The following COLEC12 variants were observed in gnomAD, a reference collection of about 807,000 sequenced individuals.
COLEC12 encodes the protein collectin-12.
In COLEC12, 33 loss-of-function variants were observed where a neutral mutation model predicts 71.1. That is an observed-to-expected ratio of 0.46 (90% CI 0.35 to 0.62). The LOEUF (loss-of-function observed/expected upper bound fraction) is 0.62, where lower values mean the gene tolerates loss of function less well. Among genes scored for constraint, COLEC12 ranks in the 20% least tolerant of loss-of-function variants. The pLI is 0.00. For synonymous variants in COLEC12, 350 were observed against 353.0 expected, an observed-to-expected ratio of 0.99 and a Z score of 0.10; for missense variants, 765 against 916.1, an observed-to-expected ratio of 0.84 and a Z score of 2.13.
intron 1 of COLEC12, among the ~76,000 whole-genome samples, chr18:483,395 G>C (rs922192455): frequency 2.0e-4 from 27 of 134,986 alleles, no homozygotes; most frequent in Admixed American, 1.1e-3. Context: ...GTGGGACTCC[G>C]TCTCAAAAAA....
chr18:485,477 A>AT (rs1917502553), intron 1 of COLEC12, among the ~76,000 whole-genome samples: 1 of 152,220 alleles, frequency 6.6e-6, no homozygotes, highest in Non-Finnish European at 1.5e-5. Context: ...TCTTAAGCTC[A>AT]TATTTTCTTG....
chr18:353,354 G>A (rs762621960), intron 3 of COLEC12, among the ~76,000 whole-genome samples: 4 of 152,178 alleles, frequency 2.6e-5, no homozygotes, highest in Non-Finnish European at 5.9e-5. Flanking sequence ...AGAGATTGAG[G>A]CTCACAGATG....
At chr18:390,233 G>GCCAT (rs1479183597) in intron 2 of COLEC12, among the ~76,000 whole-genome samples, 3 of 152,150 alleles carry the variant, frequency 2.0e-5, no homozygotes, top group Non-Finnish European at 4.4e-5. Context: ...GGGAAGGGAG[G>GCCAT]CCATCGTGCT....
chr18:376,963 G>GT (rs1025305852), intron 2 of COLEC12, among the ~76,000 whole-genome samples: 1 of 152,188 alleles, frequency 6.6e-6, no homozygotes, highest in Non-Finnish European at 1.5e-5. Flanking sequence ...TGCCTGAAGC[G>GT]TTTTTTATAA....
intron 2 of COLEC12, among the ~76,000 whole-genome samples, chr18:415,401 C>A (rs1940436): frequency 8.6e-5 from 13 of 152,010 alleles, no homozygotes; most frequent in Middle Eastern, 3.4e-3. Context: ...GCGCCTAAAT[C>A]GTTACAAAGC....
At chr18:326,347 TTTTG>T (rs1368817871) in intron 8 of COLEC12, among the ~76,000 whole-genome samples, 27 of 152,196 alleles carry the variant, frequency 1.8e-4, no homozygotes, top group South Asian at 6.2e-4. Flanking sequence ...TCTAGTTCCT[TTTTG>T]TTTTTGTTTT....
At position 327,020 on chromosome 18, in the gene COLEC12, C is replaced by T. The variant is rs998372972; in HGVS notation, c.2063+4648G>A. ...CCCCCACACTCCAGAAAAGATCCTGCAGGCCAGCACAGAGGCTGGCTCATG... is the reference window on the plus strand; with the variant it reads ...CCCCCACACTCCAGAAAAGATCCTGTAGGCCAGCACAGAGGCTGGCTCATG... On this transcript the variant is annotated intron_variant, in intron 8 of 9. Coordinates refer to ENST00000400256, the MANE Select transcript of COLEC12 (RefSeq NM_130386.3). The surrounding 1 kb of genome is among the most constrained non-coding windows in gnomAD (Gnocchi z 4.0). Among the ~76,000 whole-genome samples the T allele has an allele frequency of 6.6e-6, 1 of 152,200 alleles. No individual in the cohort carries two copies. Among genetic ancestry groups the T allele is most frequent in the African/African-American group, 2.4e-5 (1 of 41,450 alleles).
intron 2 of COLEC12, among the ~76,000 whole-genome samples, chr18:371,026 A>C (rs916326298): frequency 6.6e-6 from 1 of 152,194 alleles, no homozygotes; most frequent in African/African-American, 2.4e-5. Context: ...CACAGCCCTC[A>C]CTACTATGCA....
intron 8 of COLEC12, among the ~76,000 whole-genome samples, chr18:330,902 T>A (rs1185383575): frequency 2.8e-5 from 4 of 143,190 alleles, no homozygotes; most frequent in African/African-American, 1.0e-4. Context: ...TTTTTTGAGA[T>A]AGAGTCTTGC....
At chr18:434,833 CT>C (rs1485494848) in intron 2 of COLEC12, among the ~76,000 whole-genome samples, 1 of 152,200 alleles carries the variant, frequency 6.6e-6, no homozygotes, top group Non-Finnish European at 1.5e-5. Context: ...ATGCACCCCT[CT>C]GATTTTAGCC....
At chr18:498,507 C>T (rs1917757057) in intron 1 of COLEC12, among the ~76,000 whole-genome samples, 1 of 151,844 alleles carries the variant, frequency 6.6e-6, no homozygotes, top group South Asian at 2.1e-4. Flanking sequence ...TTACAGGTGC[C>T]TGCCACCACG....
intron 2 of COLEC12, among the ~76,000 whole-genome samples, chr18:379,550 G>A (rs1915186927): frequency 1.3e-5 from 2 of 152,090 alleles, no homozygotes; most frequent in Non-Finnish European, 2.9e-5. Context: ...AGAAGTAAAA[G>A]GAACAAAGAG....
In COLEC12 at chr18:479,073, C is replaced by T. The variant is rs530968888; in HGVS notation, c.58+1634G>A. On this transcript the variant is annotated intron_variant, in intron 2 of 9. Transcript: ENST00000400256. ...TGATTGCCAAAACATGTAGGCATCT[C>T]CACATTTATTTTGCCTTATTTTGAC... is the stretch of plus-strand genomic sequence containing the variant. Among the ~76,000 whole-genome samples the T allele has an allele frequency of 2.0e-5, 3 of 152,294 alleles. No homozygotes were observed. In the South Asian group the frequency reaches 6.2e-4, roughly 32 times the overall value.
intron 2 of COLEC12, among the ~76,000 whole-genome samples, chr18:403,187 G>A (rs928905593): frequency 3.3e-5 from 5 of 152,114 alleles, no homozygotes; most frequent in African/African-American, 7.2e-5. Flanking sequence ...CATATTTCAG[G>A]ACCTACATGA....
chr18:400,138 G>A (rs1019436590), intron 2 of COLEC12, among the ~76,000 whole-genome samples: 2 of 152,116 alleles, frequency 1.3e-5, no homozygotes, highest in African/African-American at 2.4e-5. Flanking sequence ...GACAGCGGCC[G>A]GGGGGATCTA....
intron 2 of COLEC12, among the ~76,000 whole-genome samples, chr18:477,614 A>T (rs1416968721): frequency 6.6e-6 from 1 of 152,214 alleles, no homozygotes; most frequent in Non-Finnish European, 1.5e-5. Flanking sequence ...ACATTGAGAG[A>T]GTGCTAACAG....
At chr18:369,344 A>G (rs1356770120) in intron 2 of COLEC12, among the ~76,000 whole-genome samples, 1 of 151,576 alleles carries the variant, frequency 6.6e-6, no homozygotes, top group Non-Finnish European at 1.5e-5. Flanking sequence ...AAGCTTGGAC[A>G]TGAAGCATCG....
intron 1 of COLEC12, among the ~76,000 whole-genome samples, chr18:494,579 GA>G (rs1253502359): frequency 6.6e-6 from 1 of 152,180 alleles, no homozygotes; most frequent in African/African-American, 2.4e-5. Context: ...CCAGCACACA[GA>G]AATGATTGGA....
At chr18:496,247 C>T (rs1187644503) in intron 1 of COLEC12, among the ~76,000 whole-genome samples, 1 of 151,864 alleles carries the variant, frequency 6.6e-6, no homozygotes, top group Non-Finnish European at 1.5e-5. Flanking sequence ...TTCTATTCAC[C>T]CCATTATCAG....
Sources: allele counts gnomAD v4.1 joint callset (sites outside exome capture counted in the v4.1 genomes callset), GRCh38; gene constraint gnomAD v4.1.1; non-coding constraint Gnocchi (gnomAD v3.1); transcripts MANE v1.5; gene names NCBI Gene and HGNC (gene_info 2026-07-23, HGNC 2026-07-21).